The following AKT3 variants were observed in gnomAD, a reference collection of about 807,000 sequenced individuals.
AKT3 encodes AKT serine/threonine kinase 3.
Under a neutral mutation model 65.3 loss-of-function variants are expected in AKT3, and 15 were observed. The ratio of observed to expected loss-of-function variants is 0.23; its 90% CI spans 0.15 to 0.35. AKT3 has a LOEUF of 0.35. AKT3 is among the 10% of genes least tolerant of loss of function. The pLI, the probability that AKT3 is intolerant of heterozygous loss-of-function variation, is 1.00. For synonymous variants in AKT3, 206 were observed against 183.8 expected (o/e 1.12, Z -0.98); for missense variants, 243 against 576.5 (o/e 0.42, Z 5.92).
intron 8 of AKT3, among the ~76,000 whole-genome samples, chr1:243,579,730 T>C (rs1675198067): frequency 6.6e-6 from 1 of 152,168 alleles, no homozygotes; most frequent in African/African-American, 2.4e-5. Flanking sequence ...TCATATGGAA[T>C]AGGTACACAA....
intron 8 of AKT3, among the ~76,000 whole-genome samples, chr1:243,583,168 G>GTATATATATATATA (rs1425079716): frequency 1.6e-4 from 18 of 113,202 alleles, no homozygotes; most frequent in African/African-American, 5.6e-4. Context: ...GTATATGTGT[G>GTATATATATATATA]TGTATATATA....
At chr1:243,676,904 A>G (rs546453722) in intron 3 of AKT3, among the ~76,000 whole-genome samples, 1 of 152,338 alleles carries the variant, frequency 6.6e-6, no homozygotes, top group South Asian at 2.1e-4. Flanking sequence ...GTTGTCCTAC[A>G]TACTACTAGT....
At chr1:243,848,851 C>T (rs1190399903) in intron 1 of AKT3, among the ~76,000 whole-genome samples, 1 of 152,216 alleles carries the variant, frequency 6.6e-6, no homozygotes, top group Admixed American at 6.5e-5. Context: ...TTGCAAACTA[C>T]CAGGCTTTCA....
intron 2 of AKT3, among the ~76,000 whole-genome samples, chr1:243,836,139 TCAA>T (rs1694875254): frequency 6.6e-6 from 1 of 152,058 alleles, no homozygotes; most frequent in Non-Finnish European, 1.5e-5. Flanking sequence ...ACATATGCTG[TCAA>T]CGAGAGAAAC....
chr1:243,824,525 T>C (rs1037224145), intron 2 of AKT3, among the ~76,000 whole-genome samples: 1 of 152,164 alleles, frequency 6.6e-6, no homozygotes, highest in East Asian at 1.9e-4. Flanking sequence ...AGGGCTAATA[T>C]TCAGAATCTA....
intron 2 of AKT3, among the ~76,000 whole-genome samples, chr1:243,835,460 T>C (rs1306369037): frequency 6.6e-6 from 1 of 152,220 alleles, no homozygotes; most frequent in Non-Finnish European, 1.5e-5. Flanking sequence ...AACCTGTACA[T>C]GTATTCTGTA....
intron 2 of AKT3, among the ~76,000 whole-genome samples, chr1:243,754,458 A>T (rs1019388947): frequency 6.6e-6 from 1 of 152,156 alleles, no homozygotes; most frequent in African/African-American, 2.4e-5. Context: ...GGTTACTGCC[A>T]ATGTGCTGAG....
In AKT3 at chr1:243,827,676, G is replaced by GA. The variant is rs568303637; in HGVS notation, c.46+15448dup. Among the ~76,000 whole-genome samples the GA allele has an allele frequency of 2.3e-3, 351 of 152,028 alleles. 3 individuals are homozygous for GA. The highest frequency in any genetic ancestry group is 8.0e-3 in the African/African-American group (334 of 41,498). ...GGTCTTACCCAATCCTGAGTGAGAG[G>GA]AAAAAAATGTATGTACGTACTTGTC... On this transcript the variant is annotated intron_variant, in intron 2 of 13. Transcript: ENST00000673466.
chr1:243,620,906 C>T (rs980148040), intron 6 of AKT3, among the ~76,000 whole-genome samples: 8 of 152,146 alleles, frequency 5.3e-5, no homozygotes, highest in South Asian at 4.1e-4. Flanking sequence ...CTCTCATACG[C>T]GGTATTGGGA....
chr1:243,506,743 G>A (rs1669696735), intron 13 of AKT3, among the ~76,000 whole-genome samples: 1 of 152,180 alleles, frequency 6.6e-6, no homozygotes, highest in Non-Finnish European at 1.5e-5. Context: ...GAACTCGGAG[G>A]CCCTCTCTTC....
At chr1:243,755,235 ATT>A (rs71983026) in intron 2 of AKT3, among the ~76,000 whole-genome samples, 26,318 of 136,600 alleles carry the variant, frequency 0.19, 2,613 homozygotes, top group East Asian at 0.33. Flanking sequence ...CGCCTGGTTA[ATT>A]TTTTTTTTTT....
intron 1 of AKT3, among the ~76,000 whole-genome samples, chr1:243,848,980 A>G (rs548630863): frequency 6.6e-6 from 1 of 152,328 alleles, no homozygotes; most frequent in South Asian, 2.1e-4. Flanking sequence ...CTGCTTTCAG[A>G]ACATAAACAG....
At chr1:243,794,636 G>A (rs1039942700) in intron 2 of AKT3, among the ~76,000 whole-genome samples, 10 of 152,174 alleles carry the variant, frequency 6.6e-5, no homozygotes, top group African/African-American at 2.4e-4. Flanking sequence ...TCAGACACAA[G>A]AAGAAGAGTA....
intron 4 of AKT3, among the ~76,000 whole-genome samples, chr1:243,663,904 G>T (rs903922725): frequency 6.6e-6 from 1 of 152,096 alleles, no homozygotes; most frequent in African/African-American, 2.4e-5. Flanking sequence ...TAGATCAGGA[G>T]GATAAAAATG....
chr1:243,845,599 A>AAAAAAAG (rs1056722848), intron 1 of AKT3, among the ~76,000 whole-genome samples: 3 of 146,528 alleles, frequency 2.0e-5, no homozygotes, highest in Admixed American at 1.4e-4. Flanking sequence ...AAAAAAAAAA[A>AAAAAAAG]AAAAGAAAAG....
chr1:243,827,875 G>C (rs1319813146), intron 2 of AKT3, among the ~76,000 whole-genome samples: 2 of 152,102 alleles, frequency 1.3e-5, no homozygotes, highest in African/African-American at 4.8e-5. Flanking sequence ...CTGAGGAAGA[G>C]AGTACAACAT....
At chr1:243,729,243 A>G (rs1255291170) in intron 2 of AKT3, among the ~76,000 whole-genome samples, 3 of 152,194 alleles carry the variant, frequency 2.0e-5, no homozygotes, top group Admixed American at 6.5e-5. Context: ...ATGGGAAGCA[A>G]TATGTCAAGA....
At chr1:243,662,356 C>A (rs1487789485) in intron 4 of AKT3, among the ~76,000 whole-genome samples, 1 of 152,036 alleles carries the variant, frequency 6.6e-6, no homozygotes, top group Non-Finnish European at 1.5e-5. Context: ...CATAAATACA[C>A]CATGGAATAC....
intron 2 of AKT3, chr1:243,735,498 C>T (rs1199315933): frequency 1.3e-5 from 2 of 152,164 alleles, no homozygotes; most frequent in African/African-American, 4.8e-5. Flanking sequence ...TAACTGGCTA[C>T]TCATACCAAA....
Sources: gnomAD v4.1 joint callset for allele counts (sites outside exome capture counted in the v4.1 genomes callset) on GRCh38, gnomAD v4.1.1 for gene constraint, MANE v1.5 for transcripts, NCBI Gene and HGNC (gene_info 2026-07-23, HGNC 2026-07-21) for gene names.